The following PIP4K2A variants were observed in gnomAD, a reference collection of about 807,000 sequenced individuals.
PIP4K2A encodes phosphatidylinositol 5-phosphate 4-kinase type-2 alpha.
In PIP4K2A, 14 loss-of-function variants were observed where a neutral mutation model predicts 42.9. The ratio of observed to expected loss-of-function variants is 0.33; its 90% CI spans 0.22 to 0.51. The LOEUF (loss-of-function observed/expected upper bound fraction) is 0.51. Among genes scored for constraint, PIP4K2A ranks in the 20% least tolerant of loss-of-function variants. The pLI is 0.97. For missense variants in PIP4K2A, 434 were observed against 519.8 expected (o/e 0.83, Z 1.61); for synonymous variants, 192 against 192.2 (o/e 1.00, Z 0.01).
chr10:22,541,660 G>A, intron 8 of PIP4K2A, 144 bp downstream of exon 8: 1 of 926,608 alleles, frequency 1.1e-6, no homozygotes, highest in Non-Finnish European at 1.6e-6. Flanking sequence ...ACATACTCTT[G>A]TCCCCAAATC....
At chr10:22,713,924 CGT>C (rs1247867829) in intron 1 of PIP4K2A, 1 of 309,928 alleles carries the variant, frequency 3.2e-6, no homozygotes, top group East Asian at 5.5e-5. Context: ...TGGCACCCAC[CGT>C]GAGACTCACA....
At chr10:22,609,591 G>C (rs753339331) in intron 2 of PIP4K2A, 29 bp downstream of exon 2, 1 of 1,260,480 alleles carries the variant, frequency 7.9e-7, no homozygotes. Flanking sequence ...AGCCACGCTA[G>C]TCTTATGAAA....
chr10:22,676,062 T>A (rs1478106339), intron 1 of PIP4K2A, among the ~76,000 whole-genome samples: 20 of 151,914 alleles, frequency 1.3e-4, no homozygotes, highest in Admixed American at 1.3e-3. Context: ...GTCTTTTCTT[T>A]CCTGTCTTTT....
intron 1 of PIP4K2A, among the ~76,000 whole-genome samples, chr10:22,633,006 G>C (rs1282171189): frequency 6.6e-6 from 1 of 152,150 alleles, no homozygotes; most frequent in Non-Finnish European, 1.5e-5. Flanking sequence ...TTAAGGCTTA[G>C]TATACATCGG....
At chr10:22,659,530 G>T (rs543571759) in intron 1 of PIP4K2A, 27 of 152,410 alleles carry the variant, frequency 1.8e-4, no homozygotes, top group African/African-American at 6.3e-4. Context: ...ATGTGCCACA[G>T]GAGTTGAGAG....
intron 1 of PIP4K2A, among the ~76,000 whole-genome samples, chr10:22,676,816 T>C (rs1209020697): frequency 2.0e-5 from 3 of 152,090 alleles, no homozygotes; most frequent in Non-Finnish European, 4.4e-5. Context: ...AAGCCAACAA[T>C]TAAAAAACCA....
intron 1 of PIP4K2A, among the ~76,000 whole-genome samples, chr10:22,666,167 T>G (rs1181686093): frequency 6.6e-6 from 1 of 152,218 alleles, no homozygotes; most frequent in Non-Finnish European, 1.5e-5. Flanking sequence ...TCTCCTTGTT[T>G]CCCAATAATG....
At chr10:22,651,613 T>C (rs1158554141) in intron 1 of PIP4K2A, among the ~76,000 whole-genome samples, 1 of 152,214 alleles carries the variant, frequency 6.6e-6, no homozygotes, top group Non-Finnish European at 1.5e-5. Context: ...GTCCCCTTAT[T>C]ATTTACTTCT....
chr10:22,573,102 A>ACC (rs1837028585), intron 5 of PIP4K2A, among the ~76,000 whole-genome samples: 1 of 152,162 alleles, frequency 6.6e-6, no homozygotes, highest in East Asian at 1.9e-4. Context: ...CTGAATATTT[A>ACC]AGTAGATGTG....
At chr10:22,691,018 C>T (rs181702006) in intron 1 of PIP4K2A, among the ~76,000 whole-genome samples, 3 of 152,152 alleles carry the variant, frequency 2.0e-5, no homozygotes, top group Admixed American at 1.3e-4. Context: ...CACGTAACCC[C>T]CTAAGGGAGA....
chr10:22,710,826 T>C (rs1425729851), intron 1 of PIP4K2A, among the ~76,000 whole-genome samples: 1 of 152,256 alleles, frequency 6.6e-6, no homozygotes, highest in African/African-American at 2.4e-5. Flanking sequence ...TTAAGATTTT[T>C]CTATACAGAT....
At chr10:22,569,883 A>G (rs1441648782) in intron 5 of PIP4K2A, among the ~76,000 whole-genome samples, 1 of 152,220 alleles carries the variant, frequency 6.6e-6, no homozygotes. Context: ...ACAATGCCAG[A>G]TGTACAGGTT....
intron 4 of PIP4K2A, 24 bp downstream of exon 4, chr10:22,591,605 C>A: frequency 6.3e-7 from 1 of 1,577,520 alleles, no homozygotes; most frequent in Non-Finnish European, 8.7e-7. Flanking sequence ...CTTGGAGTTT[C>A]AAATAAAGAT....
chr10:22,606,374 GCAACCACATCCTT>G (rs1837907721), intron 3 of PIP4K2A, among the ~76,000 whole-genome samples: 1 of 152,132 alleles, frequency 6.6e-6, no homozygotes, highest in Non-Finnish European at 1.5e-5. Flanking sequence ...TAGCAGATGA[GCAACCACATCCTT>G]CCTGTCCCAC....
chr10:22,620,205 C>CA (rs1838290531), intron 1 of PIP4K2A, among the ~76,000 whole-genome samples: 1 of 152,218 alleles, frequency 6.6e-6, no homozygotes, highest in South Asian at 2.1e-4. Context: ...GGCCCACTGT[C>CA]AACTTCATAC....
chr10:22,559,523 G>A (rs954192984), intron 6 of PIP4K2A, among the ~76,000 whole-genome samples: 4 of 152,146 alleles, frequency 2.6e-5, no homozygotes, highest in Admixed American at 6.6e-5. Context: ...CACTGCATGT[G>A]ATCCTCTCTT....
chr10:22,683,835 T>TCACACACACACACACA (rs138327782), intron 1 of PIP4K2A, among the ~76,000 whole-genome samples: 4 of 139,298 alleles, frequency 2.9e-5, no homozygotes, highest in African/African-American at 1.1e-4. Flanking sequence ...ACCAAGCAGT[T>TCACACACACACACACA]CACACACACA....
chr10:22,569,141 T>G, intron 5 of PIP4K2A: 1 of 971,342 alleles, frequency 1.0e-6, no homozygotes. Context: ...AATTCACAGA[T>G]GCGGAAACTT....
At chr10:22,580,470 C>A (rs1048893485) in intron 4 of PIP4K2A, among the ~76,000 whole-genome samples, 2 of 151,742 alleles carry the variant, frequency 1.3e-5, no homozygotes, top group Admixed American at 1.3e-4. Flanking sequence ...GCCAACATGG[C>A]GAAACTCCAT....
Sources: allele counts gnomAD v4.1 joint callset (sites outside exome capture counted in the v4.1 genomes callset), GRCh38; gene constraint gnomAD v4.1.1; transcripts MANE v1.5; gene names NCBI Gene and HGNC (gene_info 2026-07-23, HGNC 2026-07-21).